Variants in DPP10 observed in about 807,000 individuals in gnomAD.
DPP10 encodes inactive dipeptidyl peptidase 10.
A neutral mutation model predicts 120.9 loss-of-function variants in DPP10; 33 were observed. That is an observed-to-expected ratio of 0.27 (90% CI 0.21 to 0.37). The LOEUF (loss-of-function observed/expected upper bound fraction) is 0.37, where lower values mean the gene tolerates loss of function less well. Ranked by LOEUF, DPP10 falls within the 10% of genes least tolerant of loss-of-function variation. The pLI is 1.00. For synonymous variants in DPP10, 337 were observed against 326.1 expected, an observed-to-expected ratio of 1.03 and a Z score of -0.36; for missense variants, 816 against 942.8, an observed-to-expected ratio of 0.87 and a Z score of 1.76.
chr2:114,469,131 A>C (rs1558785811), intron 1 of DPP10, among the ~76,000 whole-genome samples: 1 of 43,424 alleles, frequency 2.3e-5, no homozygotes, highest in African/African-American at 3.8e-5. Flanking sequence ...ATTTCACTTG[A>C]GAGAGACAAA....
intron 3 of DPP10, among the ~76,000 whole-genome samples, chr2:115,484,962 T>C (rs1370894253): frequency 6.6e-6 from 1 of 152,040 alleles, no homozygotes; most frequent in Non-Finnish European, 1.5e-5. Flanking sequence ...TCCCAGCTAC[T>C]TGGGAGGCTG....
Position 115,100,481 on chromosome 2 carries a change from T to C in DPP10, c.61-208758T>C, listed in dbSNP as rs553908570. Among the ~76,000 whole-genome samples the C allele has an allele frequency of 4.8e-4, 68 of 141,864 alleles. No homozygotes were observed. In the East Asian group the frequency reaches 8.4e-3, roughly 18 times the overall value. The allele number at this position is 141,864 out of a possible 152,430, so 93.1% of individuals were successfully genotyped here. A position where few individuals can be genotyped will look rare whatever the true frequency, so the allele number is the denominator to read the frequency against. ...AAAAACACACACACACACACACACA[T>C]ATGAAATATATATAAAGGAATATAT... On this transcript the variant is annotated intron_variant, in intron 1 of 25. Transcript: ENST00000410059.
intron 1 of DPP10, among the ~76,000 whole-genome samples, chr2:114,914,622 C>T (rs1461807842): frequency 6.6e-6 from 1 of 152,166 alleles, no homozygotes; most frequent in Non-Finnish European, 1.5e-5. Flanking sequence ...GCCCACTAGA[C>T]TATAAAGCTA....
chr2:114,765,088 G>C (rs1319925469), intron 1 of DPP10, among the ~76,000 whole-genome samples: 1 of 152,060 alleles, frequency 6.6e-6, no homozygotes. Context: ...TATTCCAAAG[G>C]TTATGAGGGG....
At chr2:115,787,060 G>A (rs1247130052) in intron 17 of DPP10, among the ~76,000 whole-genome samples, 1 of 152,162 alleles carries the variant, frequency 6.6e-6, no homozygotes, top group Admixed American at 6.5e-5. Context: ...TAGCCATAGA[G>A]CAAAGGTCAT....
intron 1 of DPP10, among the ~76,000 whole-genome samples, chr2:114,681,697 G>C (rs959883062): frequency 6.6e-6 from 1 of 151,936 alleles, no homozygotes; most frequent in Non-Finnish European, 1.5e-5. Flanking sequence ...TTACAAAGCC[G>C]GTAGTAGGTC....
chr2:114,911,246 G>A (rs1436280776), intron 1 of DPP10, among the ~76,000 whole-genome samples: 1 of 151,850 alleles, frequency 6.6e-6, no homozygotes, highest in Admixed American at 6.6e-5. Flanking sequence ...TATTCTTACG[G>A]TATCAAGTTG....
chr2:114,779,552 A>G (rs978825209), intron 1 of DPP10, among the ~76,000 whole-genome samples: 1 of 152,114 alleles, frequency 6.6e-6, no homozygotes, highest in Non-Finnish European at 1.5e-5. Flanking sequence ...TAATTTTGAT[A>G]TGGTCTAAGC....
At chr2:115,635,075 A>G (rs1489271876) in intron 5 of DPP10, among the ~76,000 whole-genome samples, 1 of 151,850 alleles carries the variant, frequency 6.6e-6, no homozygotes, top group Admixed American at 6.6e-5. Flanking sequence ...ATTGCAGGGG[A>G]AAGATGGCAA....
intron 1 of DPP10, among the ~76,000 whole-genome samples, chr2:114,513,279 T>C (rs908094072): frequency 1.3e-5 from 2 of 152,186 alleles, no homozygotes; most frequent in East Asian, 1.9e-4. Flanking sequence ...TCCCAGCACT[T>C]TGGGAGGCCG....
intron 15 of DPP10, 67 bp downstream of exon 15, chr2:115,777,901 A>G: frequency 9.9e-6 from 15 of 1,510,538 alleles, no homozygotes; most frequent in Non-Finnish European, 9.9e-6. Context: ...TAGCATAAGG[A>G]AGGAAAGGAA....
At chr2:115,629,734 A>G (rs1272833574) in intron 5 of DPP10, among the ~76,000 whole-genome samples, 2 of 152,100 alleles carry the variant, frequency 1.3e-5, no homozygotes, top group African/African-American at 2.4e-5. Context: ...GTTATTTCTG[A>G]GGCCTCTGCT....
intron 1 of DPP10, among the ~76,000 whole-genome samples, chr2:114,476,307 T>G (rs1680365201): frequency 6.6e-6 from 1 of 152,210 alleles, no homozygotes; most frequent in African/African-American, 2.4e-5. Flanking sequence ...TTAGATTAAC[T>G]GGGTATTGTT....
intron 3 of DPP10, among the ~76,000 whole-genome samples, chr2:115,386,231 A>G (rs1267338763): frequency 1.3e-5 from 2 of 152,212 alleles, no homozygotes; most frequent in African/African-American, 2.4e-5. Context: ...AAGTCAAACT[A>G]AAATATTCTG....
At chr2:115,104,157 C>T (rs969774193) in intron 1 of DPP10, among the ~76,000 whole-genome samples, 7 of 138,566 alleles carry the variant, frequency 5.1e-5, no homozygotes. Flanking sequence ...TGGAGCATGT[C>T]AAATACATAT....
intron 7 of DPP10, among the ~76,000 whole-genome samples, chr2:115,712,540 T>TTTTTTATATATATATATATATATATATA (rs778592374): frequency 1.7e-4 from 3 of 18,060 alleles, no homozygotes; most frequent in African/African-American, 3.5e-4. Flanking sequence ...GAGTCCTGAA[T>TTTTTTATATATATATATATATATATATA]TAAATATATA....
intron 3 of DPP10, among the ~76,000 whole-genome samples, chr2:115,394,087 C>T (rs1028956258): frequency 2.0e-5 from 3 of 151,636 alleles, no homozygotes; most frequent in Non-Finnish European, 2.9e-5. Context: ...TGAATTATGC[C>T]GTTCATCAAA....
intron 1 of DPP10, among the ~76,000 whole-genome samples, chr2:114,957,034 G>A (rs141038106): frequency 9.5e-5 from 14 of 147,446 alleles, no homozygotes; most frequent in African/African-American, 2.7e-4. Flanking sequence ...CTGAGCAAAG[G>A]TTTCTTGGAT....
chr2:114,754,122 G>A (rs1679508120), intron 1 of DPP10, among the ~76,000 whole-genome samples: 1 of 152,058 alleles, frequency 6.6e-6, no homozygotes, highest in African/African-American at 2.4e-5. Context: ...TTTCTATAGT[G>A]GCTCCATAGG....
Sources: allele counts gnomAD v4.1 joint callset (sites outside exome capture counted in the v4.1 genomes callset), GRCh38; gene constraint gnomAD v4.1.1; transcripts MANE v1.5; gene names NCBI Gene and HGNC (gene_info 2026-07-23, HGNC 2026-07-21).